TBC1D16: variants seen among roughly 807,000 people sequenced by gnomAD.
The protein encoded by TBC1D16 is CTD-2529O21.1.
Under a neutral mutation model 74.7 loss-of-function variants are expected in TBC1D16, and 58 were observed. That is an observed-to-expected ratio of 0.78 (90% CI 0.63 to 0.97). The LOEUF (loss-of-function observed/expected upper bound fraction) is 0.97. Among genes scored for constraint, TBC1D16 ranks in the 50% least tolerant of loss-of-function variants. TBC1D16 has a pLI of 0.00. For missense variants in TBC1D16, 1,014 were observed against 1,079.5 expected, an observed-to-expected ratio of 0.94 and a Z score of 0.85; for synonymous variants, 493 against 474.7, an observed-to-expected ratio of 1.04 and a Z score of -0.50.
chr17:80,014,503 T>C (rs193194526), intron 1 of TBC1D16, among the ~76,000 whole-genome samples: 1 of 151,772 alleles, frequency 6.6e-6, no homozygotes, highest in Admixed American at 6.6e-5. Context: ...AAAGAACTGA[T>C]AAATATGTAA....
chr17:80,028,819 G>A (rs1283023943), intron 1 of TBC1D16, among the ~76,000 whole-genome samples: 1 of 151,758 alleles, frequency 6.6e-6, no homozygotes, highest in Non-Finnish European at 1.5e-5. Flanking sequence ...TCACCATGTG[G>A]GCCAAGATGG....
chr17:79,984,329 C>T (rs112927955), intron 3 of TBC1D16, among the ~76,000 whole-genome samples: 2 of 152,088 alleles, frequency 1.3e-5, no homozygotes, highest in African/African-American at 4.8e-5. Context: ...AAATTTTAAA[C>T]CAAGAAAGTG....
At chr17:79,999,435 C>T (rs1311216489) in intron 3 of TBC1D16, among the ~76,000 whole-genome samples, 18 of 151,022 alleles carry the variant, frequency 1.2e-4, no homozygotes, top group Non-Finnish European at 2.9e-5. Flanking sequence ...CAATTCCCAA[C>T]TTTGAAAGTC....
Position 79,948,886 on chromosome 17 carries a change from A to G in TBC1D16, c.1527T>C (p.Asn509=), listed in dbSNP as rs766984930. 1.2e-6 allele frequency: 2 copies of G among 1,614,060 alleles called. No homozygotes were observed. Among genetic ancestry groups the G allele is most frequent in the East Asian group, 2.2e-5 (1 of 44,878 alleles). ...NQFFRGEDNP[N]VESMRRILLN... is the part of the protein sequence containing the mutation. Reference sequence around the variant, plus strand: ...GGAGGGAGTACCTCATGCTCTCCACATTGGGATTGTCTTCCCCCCGGAAGA... The same window carrying G: ...GGAGGGAGTACCTCATGCTCTCCACGTTGGGATTGTCTTCCCCCCGGAAGA... Residue 509 remains asparagine, a synonymous_variant, in exon 8 of 12, where the codon AAT becomes AAC. Transcript: ENST00000310924.
intron 1 of TBC1D16, among the ~76,000 whole-genome samples, chr17:80,016,104 A>T (rs2036081212): frequency 6.6e-6 from 1 of 152,076 alleles, no homozygotes; most frequent in South Asian, 2.1e-4. Flanking sequence ...AGAAAGTCTG[A>T]CGCCTGCTAC....
At position 79,940,799 on chromosome 17, in the gene TBC1D16, C is replaced by A; in HGVS notation, c.*60G>T. On this transcript the variant is annotated 3_prime_UTR_variant, in exon 12 of 12. Coordinates refer to ENST00000310924, the MANE Select transcript of TBC1D16 (RefSeq NM_019020.4). This position sits in a 1 kb window ranked among gnomAD's most constrained non-coding sequence, Gnocchi z 5.4. ...CCCTTCACGCCCAGCCCCACCCCCT[C>A]CCGTGCCCAGGGCCTCTGAGGAGGT... 6.9e-7 allele frequency: 1 copy of A among 1,453,212 alleles called. No individual in the cohort carries two copies. The highest frequency in any genetic ancestry group is 1.5e-5 in the South Asian group (1 of 66,900). The allele number at this position is 1,453,212 out of a possible 1,614,324, so 90.0% of individuals were successfully genotyped here.
intron 3 of TBC1D16, among the ~76,000 whole-genome samples, chr17:79,973,978 C>T (rs906326669): frequency 6.6e-6 from 1 of 152,206 alleles, no homozygotes; most frequent in African/African-American, 2.4e-5. Context: ...TGAGAACTTC[C>T]GCCTTCTCGC....
Position 79,983,048 on chromosome 17 carries a change from C to G in TBC1D16, c.779+27112G>C, listed in dbSNP as rs2034651316. On this transcript the variant is annotated intron_variant, in intron 3 of 11. Transcript: ENST00000310924. The surrounding 1 kb of genome is among the most constrained non-coding windows in gnomAD (Gnocchi z 5.6). Reference sequence around the variant, plus strand: ...GTGCACACGCATCCACCCCGAGCCTCTGTGTGCAGAGCTCCAAGCACAGAC... The same window carrying G: ...GTGCACACGCATCCACCCCGAGCCTGTGTGTGCAGAGCTCCAAGCACAGAC... Among the ~76,000 whole-genome samples, 5 of 152,368 alleles carry G rather than the reference C, an allele frequency of 3.3e-5. No individual in the cohort carries two copies. In the South Asian group the frequency reaches 1.0e-3, roughly 32 times the overall value.
At chr17:79,972,387 C>G (rs944520564) in intron 3 of TBC1D16, among the ~76,000 whole-genome samples, 6 of 151,984 alleles carry the variant, frequency 3.9e-5, no homozygotes, top group Non-Finnish European at 8.8e-5. Context: ...ATGTTGGCCA[C>G]GCTGGTCTCG....
In TBC1D16 at chr17:79,950,804, A is replaced by T; in HGVS notation, c.1090-226T>A. ...TCTGCGGCTCTCTCCTCCCCGGCCC[A>T]CTGTGCCGCCGCCCCCCACTCTCTC... On this transcript the variant is annotated intron_variant, in intron 5 of 11. Coordinates refer to ENST00000310924, the MANE Select transcript of TBC1D16 (RefSeq NM_019020.4). The surrounding 1 kb of genome is among the most constrained non-coding windows in gnomAD (Gnocchi z 4.6). 1.3e-6 allele frequency: 2 copies of T among 1,535,726 alleles called. No homozygotes were observed.
rs2034828979 is a variant in TBC1D16 at position 79,986,232 on chromosome 17, C to A, written c.779+23928G>T. Among the ~76,000 whole-genome samples, 1 of 152,236 alleles carries A rather than the reference C, an allele frequency of 6.6e-6. No homozygotes were observed. The highest frequency in any genetic ancestry group is 2.4e-5 in the African/African-American group (1 of 41,466). ...GCGGCAAGCATGGGTGCTGGGTCCA[C>A]CTCACCCACTTGGGGCAAAGCCATC... On this transcript the variant is annotated intron_variant, in intron 3 of 11. Coordinates refer to ENST00000310924, the MANE Select transcript of TBC1D16 (RefSeq NM_019020.4). This position sits in a 1 kb window ranked among gnomAD's most constrained non-coding sequence, Gnocchi z 6.0.
intron 2 of TBC1D16, among the ~76,000 whole-genome samples, chr17:80,012,578 CTTT>C (rs57334506): frequency 3.4e-5 from 5 of 147,360 alleles, no homozygotes; most frequent in African/African-American, 1.2e-4. Context: ...TAATTTATAA[CTTT>C]TTTTTTTTTA....
chr17:80,012,788 G>C (rs1252652739), intron 2 of TBC1D16, among the ~76,000 whole-genome samples: 1 of 152,154 alleles, frequency 6.6e-6, no homozygotes, highest in Non-Finnish European at 1.5e-5. Context: ...GTTAGGGTGT[G>C]CCGGGGCAGG....
intron 3 of TBC1D16, among the ~76,000 whole-genome samples, chr17:79,955,768 G>A (rs2033305690): frequency 6.6e-6 from 1 of 152,130 alleles, no homozygotes; most frequent in African/African-American, 2.4e-5. Context: ...TGTAAAAGCA[G>A]TAATGAAAAA....
chr17:80,034,852 C>A (rs543867643), intron 1 of TBC1D16, among the ~76,000 whole-genome samples: 2 of 152,318 alleles, frequency 1.3e-5, no homozygotes, highest in African/African-American at 4.8e-5. Flanking sequence ...TGCCGCCTCA[C>A]GTGAGCATCT....
chr17:80,030,250 G>A (rs1027642751), intron 1 of TBC1D16, among the ~76,000 whole-genome samples: 5 of 152,108 alleles, frequency 3.3e-5, no homozygotes, highest in South Asian at 2.1e-4. Context: ...TTTCCAACTC[G>A]CAGGGCGGCC....
At chr17:79,995,514 G>A (rs939305566) in intron 3 of TBC1D16, among the ~76,000 whole-genome samples, 7 of 151,528 alleles carry the variant, frequency 4.6e-5, no homozygotes, top group South Asian at 2.1e-4. Flanking sequence ...GGCCGGGCGC[G>A]GTGGCTCACG....
chr17:79,977,253 G>A (rs976752691), intron 3 of TBC1D16, among the ~76,000 whole-genome samples: 3 of 152,270 alleles, frequency 2.0e-5, no homozygotes, highest in South Asian at 2.1e-4. Flanking sequence ...ATGGAGCCCC[G>A]CCCCATCCCA....
rs765965546 is a variant in TBC1D16, at chr17:79,947,815, A to T, written c.1558T>A (p.Tyr520Asn). ...VESMRRILLNYAVYNPAVGYS... is the reference protein window; with the variant it reads ...VESMRRILLNNAVYNPAVGYS... The stretch of plus-strand genomic sequence containing the variant: ...CCGACGGCAGGGTTGTACACGGCGT[A>T]GTTCAGCAGGATCCTCCTGGGAGGC... The change falls in exon 9 of 12, where the codon TAC (tyrosine) becomes AAC (asparagine). Residue 520 changes from tyrosine (Y) to asparagine (N), a missense_variant. Physicochemically the swap from Tyr to Asn is moderately radical, Grantham distance 143. Transcript: ENST00000310924. The T allele has an allele frequency of 1.1e-5, 18 of 1,613,310 alleles. No homozygotes were observed. Among genetic ancestry groups the T allele is most frequent in the Non-Finnish European group, 1.7e-6 (2 of 1,179,920 alleles).
Sources: gnomAD v4.1 joint callset for allele counts (sites outside exome capture counted in the v4.1 genomes callset) on GRCh38, gnomAD v4.1.1 for gene constraint, Gnocchi (gnomAD v3.1) non-coding constraint, MANE v1.5 for transcripts, NCBI Gene and HGNC (gene_info 2026-07-23, HGNC 2026-07-21) for gene names.